The following PCMT1 variants were observed in gnomAD, a reference collection of about 807,000 sequenced individuals.
PCMT1 encodes protein-L-isoaspartate(D-aspartate) O-methyltransferase.
Under a neutral mutation model 29.2 loss-of-function variants are expected in PCMT1, and 9 were observed. That is an observed-to-expected ratio of 0.31 (90% CI 0.19 to 0.54). PCMT1 has a LOEUF of 0.54. Among genes scored for constraint, PCMT1 ranks in the 20% least tolerant of loss-of-function variants. PCMT1 has a pLI of 0.95. For missense variants in PCMT1, 184 were observed against 282.2 expected (o/e 0.65, Z 2.49); for synonymous variants, 98 against 97.5 (o/e 1.00, Z -0.03).
chr6:149,783,612 C>T (rs759382677), intron 3 of PCMT1, among the ~76,000 whole-genome samples: 118 of 152,186 alleles, frequency 7.8e-4, no homozygotes, highest in African/African-American at 2.6e-3. Context: ...TCTTGCTAGA[C>T]GTCTTTGATC....
intron 3 of PCMT1, among the ~76,000 whole-genome samples, chr6:149,776,754 A>G (rs1787587201): frequency 6.6e-6 from 1 of 152,194 alleles, no homozygotes; most frequent in Non-Finnish European, 1.5e-5. Flanking sequence ...TAGCACTATA[A>G]TGAGGTACCA....
chr6:149,764,270 T>A (rs1378240620), intron 1 of PCMT1, among the ~76,000 whole-genome samples: 1 of 152,224 alleles, frequency 6.6e-6, no homozygotes, highest in Non-Finnish European at 1.5e-5. Flanking sequence ...TCTGTTATCT[T>A]GGACTACTTA....
chr6:149,797,955 C>T (rs1325423309), intron 6 of PCMT1: 1 of 151,992 alleles, frequency 6.6e-6, no homozygotes, highest in East Asian at 1.9e-4. Flanking sequence ...CACTTGCGCT[C>T]AGAAGTTCGA....
intron 1 of PCMT1, among the ~76,000 whole-genome samples, chr6:149,759,572 G>A (rs1378859718): frequency 6.6e-6 from 1 of 151,908 alleles, no homozygotes; most frequent in Non-Finnish European, 1.5e-5. Context: ...TCAGCTCACT[G>A]CAACCTCCGC....
In PCMT1 at chr6:149,810,828, T is replaced by C. The variant is rs1481411302; in HGVS notation, c.*250T>C. 2 of 458,758 alleles carry C rather than the reference T, an allele frequency of 4.4e-6. No homozygotes were observed. The highest frequency in any genetic ancestry group is 6.8e-5 in the East Asian group (2 of 29,460). The allele number at this position is 458,758 out of a possible 1,614,324, so 28.4% of individuals were successfully genotyped here. A position where few individuals can be genotyped will look rare whatever the true frequency, so the allele number is the denominator to read the frequency against. On this transcript the variant is annotated 3_prime_UTR_variant, in exon 8 of 8. Transcript: ENST00000464889. Reference sequence around the variant, plus strand: ...AAATTGGTAGAGGAAGGATGCAAAGTATAAATTTGTGTAATATTACTTTAA... The same window carrying C: ...AAATTGGTAGAGGAAGGATGCAAAGCATAAATTTGTGTAATATTACTTTAA...
chr6:149,800,281 C>T (rs1261050167), intron 6 of PCMT1, among the ~76,000 whole-genome samples: 1 of 151,966 alleles, frequency 6.6e-6, no homozygotes. Context: ...GCCTGGCCAA[C>T]ATGTTGAAAG....
intron 3 of PCMT1, among the ~76,000 whole-genome samples, chr6:149,788,849 C>T (rs1214589440): frequency 6.6e-6 from 1 of 152,148 alleles, no homozygotes; most frequent in African/African-American, 2.4e-5. Flanking sequence ...TTACCTGAAT[C>T]AATCAGTTAT....
At chr6:149,774,223 G>GCTTTT (rs111842426) in intron 3 of PCMT1, among the ~76,000 whole-genome samples, 3,718 of 151,610 alleles carry the variant, frequency 0.025, 152 homozygotes, top group African/African-American at 0.084. Flanking sequence ...AAGAACAATA[G>GCTTTT]CTTTTCTTTT....
intron 4 of PCMT1, among the ~76,000 whole-genome samples, chr6:149,793,325 TTTTC>T (rs1788455829): frequency 1.3e-5 from 2 of 152,140 alleles, no homozygotes; most frequent in South Asian, 4.1e-4. Context: ...AAGATATAAT[TTTTC>T]TTAGTATTAC....
At chr6:149,761,079 T>C (rs574813952) in intron 1 of PCMT1, among the ~76,000 whole-genome samples, 9 of 150,902 alleles carry the variant, frequency 6.0e-5, no homozygotes, top group Admixed American at 2.6e-4. Context: ...AAAACTGATA[T>C]AACTATATGA....
chr6:149,786,206 G>A (rs1486312344), intron 3 of PCMT1, among the ~76,000 whole-genome samples: 1 of 118,468 alleles, frequency 8.4e-6, no homozygotes, highest in Non-Finnish European at 1.7e-5. Flanking sequence ...CTGGCCGGGC[G>A]GGGGGGCTGA....
At chr6:149,791,387 A>C (rs1788365166) in intron 4 of PCMT1, among the ~76,000 whole-genome samples, 1 of 152,230 alleles carries the variant, frequency 6.6e-6, no homozygotes, top group Admixed American at 6.5e-5. Context: ...ATGGCTATCC[A>C]GAGTATTAAC....
chr6:149,810,239 G>A (rs1776125259), intron 7 of PCMT1: 1 of 165,790 alleles, frequency 6.0e-6, no homozygotes, highest in Admixed American at 6.4e-5. Context: ...GTCCAATTTT[G>A]TGAATGTAAC....
chr6:149,801,381 T>C (rs1196600404), intron 6 of PCMT1, among the ~76,000 whole-genome samples: 1 of 152,198 alleles, frequency 6.6e-6, no homozygotes, highest in African/African-American at 2.4e-5. Context: ...ATGTTGATGT[T>C]CAGAGTTTTG....
chr6:149,755,725 A>G (rs186926784), intron 1 of PCMT1, among the ~76,000 whole-genome samples: 41 of 152,320 alleles, frequency 2.7e-4, no homozygotes, highest in Admixed American at 7.2e-4. Context: ...AGTGCTTTCT[A>G]TATGACAGGC....
At chr6:149,794,624 C>G (rs1234762411) in intron 5 of PCMT1, 1 of 259,228 alleles carries the variant, frequency 3.9e-6, no homozygotes, top group African/African-American at 2.3e-5. Context: ...CTCAAAAAAA[C>G]AAATAAAATA....
At chr6:149,753,191 C>T (rs1249956694) in intron 1 of PCMT1, among the ~76,000 whole-genome samples, 4 of 152,046 alleles carry the variant, frequency 2.6e-5, no homozygotes, top group Non-Finnish European at 4.4e-5. Context: ...TATTGCCTTC[C>T]TTCCTCATTA....
At chr6:149,777,261 T>C (rs890439857) in intron 3 of PCMT1, among the ~76,000 whole-genome samples, 6 of 152,230 alleles carry the variant, frequency 3.9e-5, no homozygotes, top group Non-Finnish European at 5.9e-5. Flanking sequence ...GTCTGTTTTA[T>C]AATAAAATGG....
At position 149,810,603 on chromosome 6, in the gene PCMT1, T is replaced by G; in HGVS notation, c.*38-13T>G. The G allele has an allele frequency of 4.5e-6, 7 of 1,546,730 alleles. No individual in the cohort carries two copies. Among genetic ancestry groups the G allele is most frequent in the Non-Finnish European group, 6.1e-6 (7 of 1,143,870 alleles). On this transcript the variant is annotated splice_polypyrimidine_tract_variant and intron_variant, in intron 7 of 7. Transcript: ENST00000464889. The stretch of plus-strand genomic sequence containing the variant: ...AACTCCTACTAATGTATTTCTCTCT[T>G]TTTTCCTCACAGGGATGAATTGTAA...
Sources: allele counts gnomAD v4.1 joint callset (sites outside exome capture counted in the v4.1 genomes callset), GRCh38; gene constraint gnomAD v4.1.1; transcripts MANE v1.5; gene names NCBI Gene and HGNC (gene_info 2026-07-23, HGNC 2026-07-21).